OR2L13: variants seen among roughly 807,000 people sequenced by gnomAD.
OR2L13 encodes olfactory receptor 2L13.
In OR2L13, 14 loss-of-function variants were observed where a neutral mutation model predicts 15.3. That is an observed-to-expected ratio of 0.91 (90% confidence interval 0.60 to 1.43). OR2L13 has a LOEUF of 1.43. OR2L13 is among the 40% of genes most tolerant of loss of function. The probability of loss-of-function intolerance (pLI) is 0.00; values close to 1 mark genes in which losing one functional copy is unlikely to be tolerated. For synonymous variants in OR2L13, 152 were observed against 142.9 expected (o/e 1.06, Z -0.45); for missense variants, 367 against 387.9 (o/e 0.95, Z 0.45).
chr1:247,962,750 G>A, the OR2L13 span, among the ~76,000 whole-genome samples: 249 of 152,000 alleles, frequency 1.6e-3, 3 homozygotes, highest in Middle Eastern at 0.024. Flanking sequence ...TCTACAAATC[G>A]CCAAATTTAA....
chr1:248,052,870 T>A, the OR2L13 span, among the ~76,000 whole-genome samples: 125 of 152,106 alleles, frequency 8.2e-4, no homozygotes, highest in African/African-American at 2.8e-3. Flanking sequence ...AAAAAAAAAA[T>A]TTATCATTTT....
the OR2L13 span, chr1:247,937,519 C>T: frequency 6.4e-6 from 1 of 156,382 alleles, no homozygotes; most frequent in Non-Finnish European, 1.4e-5. Context: ...TTCCATCAAC[C>T]CCTCAGCTAC....
the OR2L13 span, among the ~76,000 whole-genome samples, chr1:247,998,430 G>T: frequency 6.6e-6 from 1 of 151,992 alleles, no homozygotes; most frequent in Non-Finnish European, 1.5e-5. Context: ...TACTTGGTTG[G>T]TGTTTTGTTT....
At chr1:248,024,045 GTTTAT>G in the OR2L13 span, 7 of 151,972 alleles carry the variant, frequency 4.6e-5, no homozygotes, top group African/African-American at 1.2e-4. Context: ...AATTTTATTT[GTTTAT>G]TTTGTTTATT....
chr1:248,025,920 AG>A, the OR2L13 span, among the ~76,000 whole-genome samples: 1 of 145,206 alleles, frequency 6.9e-6, no homozygotes, highest in Non-Finnish European at 1.5e-5. Flanking sequence ...GGACATAGGA[AG>A]GGGAACATCA....
chr1:247,954,330 C>A, the OR2L13 span, among the ~76,000 whole-genome samples: 1 of 152,120 alleles, frequency 6.6e-6, no homozygotes, highest in Non-Finnish European at 1.5e-5. Flanking sequence ...TCAGTACTTA[C>A]AGCATGGTAA....
At chr1:248,078,258 G>A in the OR2L13 span, among the ~76,000 whole-genome samples, 1 of 152,070 alleles carries the variant, frequency 6.6e-6, no homozygotes, top group Non-Finnish European at 1.5e-5. Context: ...TGAGGCGGGT[G>A]GATCACGAGG....
chr1:248,097,049 C>CA (rs1664756184), upstream of OR2L13, among the ~76,000 whole-genome samples: 1 of 152,170 alleles, frequency 6.6e-6, no homozygotes, highest in Non-Finnish European at 1.5e-5. Flanking sequence ...TTAAATAATG[C>CA]ATAACCAATC....
At chr1:247,975,550 T>G in the OR2L13 span, 1 of 1,251,040 alleles carries the variant, frequency 8.0e-7, no homozygotes, top group African/African-American at 1.5e-5. Context: ...GGCTGTGTTC[T>G]ACACCATCCT....
the OR2L13 span, among the ~76,000 whole-genome samples, chr1:248,027,561 C>G: frequency 6.6e-6 from 1 of 152,144 alleles, no homozygotes; most frequent in East Asian, 1.9e-4. Flanking sequence ...GGACACCCAG[C>G]TTTAAAATTT....
chr1:247,957,790 A>G, the OR2L13 span, among the ~76,000 whole-genome samples: 3 of 151,528 alleles, frequency 2.0e-5, no homozygotes, highest in African/African-American at 4.9e-5. Flanking sequence ...GTGGTGATAT[A>G]CCCTTTATCA....
chr1:248,002,176 G>C, the OR2L13 span, among the ~76,000 whole-genome samples: 1 of 152,028 alleles, frequency 6.6e-6, no homozygotes, highest in Non-Finnish European at 1.5e-5. Flanking sequence ...CAGAGGCTTA[G>C]AAACCTGCCA....
chr1:248,098,789 T>G lies in OR2L13; in HGVS notation c.-19+14T>G, dbSNP rs1244661646. 1 of 152,306 alleles carries G rather than the reference T, an allele frequency of 6.6e-6. No homozygotes were observed. The highest frequency in any genetic ancestry group is 2.4e-5 in the African/African-American group (1 of 41,356). The allele number at this position is 152,306 out of a possible 1,614,324, so 9.4% of individuals were successfully genotyped here. A position where few individuals can be genotyped will look rare whatever the true frequency, so the allele number is the denominator to read the frequency against. On this transcript the variant is annotated intron_variant, in intron 2 of 2. Coordinates refer to ENST00000641714, the Ensembl canonical transcript of OR2L13. ...CTCCAAGCCCAGGTAAAGGAAGAAG[T>G]CACACAGATGTTAGAAATATAGTTT...
upstream of OR2L13, among the ~76,000 whole-genome samples, chr1:248,095,607 C>CTTGTTTTTTTT (rs1664715417): frequency 2.7e-5 from 1 of 37,294 alleles, no homozygotes; most frequent in Non-Finnish European, 5.4e-5. Context: ...AAAGCTGCTG[C>CTTGTTTTTTTT]TTTTTTTTTT....
At chr1:247,961,572 G>A in the OR2L13 span, among the ~76,000 whole-genome samples, 2 of 152,260 alleles carry the variant, frequency 1.3e-5, no homozygotes, top group African/African-American at 4.8e-5. Context: ...GATGGACCAT[G>A]GATAATATAC....
chr1:247,948,260 T>C, the OR2L13 span, among the ~76,000 whole-genome samples: 5 of 152,192 alleles, frequency 3.3e-5, no homozygotes, highest in Non-Finnish European at 5.9e-5. Flanking sequence ...CAGATCATTC[T>C]ATAAAGGTAA....
the OR2L13 span, among the ~76,000 whole-genome samples, chr1:247,963,339 G>A: frequency 1.3e-5 from 2 of 152,170 alleles, no homozygotes; most frequent in Non-Finnish European, 2.9e-5. Context: ...GTGCTGGTGG[G>A]AGTTTCCTTT....
the OR2L13 span, among the ~76,000 whole-genome samples, chr1:247,992,611 T>C: frequency 6.6e-6 from 1 of 152,198 alleles, no homozygotes; most frequent in Non-Finnish European, 1.5e-5. Flanking sequence ...CACTTACAAG[T>C]GAGAACATTC....
chr1:248,029,783 T>C, the OR2L13 span, among the ~76,000 whole-genome samples: 3 of 152,206 alleles, frequency 2.0e-5, no homozygotes, highest in Non-Finnish European at 2.9e-5. Flanking sequence ...ATTCAAACTA[T>C]AGGGTTTCAT....
Sources: allele counts gnomAD v4.1 joint callset (sites outside exome capture counted in the v4.1 genomes callset), GRCh38; gene constraint gnomAD v4.1.1; transcripts MANE v1.5; gene names NCBI Gene and HGNC (gene_info 2026-07-23, HGNC 2026-07-21).